Variants in PER2 observed in about 807,000 individuals in gnomAD.
The protein encoded by PER2 is period circadian protein homolog 2.
PER2 carries 66 observed loss-of-function variants against 121.0 expected under a neutral mutation model. The observed-to-expected ratio is 0.55, with a 90% CI of 0.45 to 0.67. The LOEUF is 0.67. PER2 is among the 30% of genes least tolerant of loss of function. The probability of loss-of-function intolerance (pLI) is 0.00; values close to 1 mark genes in which losing one functional copy is unlikely to be tolerated. For synonymous variants in PER2, 684 were observed against 659.9 expected, an observed-to-expected ratio of 1.04 and a Z score of -0.56; for missense variants, 1,521 against 1,635.0, an observed-to-expected ratio of 0.93 and a Z score of 1.20.
chr2:238,255,671 T>G lies in PER2; in HGVS notation c.2306A>C (p.Gln769Pro), dbSNP rs770462849. Reference protein sequence around the residue: ...HYYLQERSKGQPSERTAPGLR... With the variant: ...HYYLQERSKGPPSERTAPGLR... ...GTATCACTTACTTCGTTCACTTGGC[T>G]GCCCCTTGGATCTTTCTTGCAAGTA... Residue 769 changes from glutamine to proline, a missense_variant, in exon 18 of 23, where the codon CAG becomes CCG. Physicochemically the swap from Gln to Pro is moderately conservative, Grantham distance 76. Transcript: ENST00000254657. 8 of 1,614,274 alleles carry G rather than the reference T, an allele frequency of 5.0e-6. No homozygotes were observed. In the South Asian group the frequency reaches 5.5e-5, roughly 11 times the overall value.
At chr2:238,284,822 C>T (rs1014167967) in intron 1 of PER2, among the ~76,000 whole-genome samples, 1 of 152,334 alleles carries the variant, frequency 6.6e-6, no homozygotes, top group African/African-American at 2.4e-5. Context: ...TCAGAAACTT[C>T]GTCATTCCAG....
At position 238,280,771 on chromosome 2, in the gene PER2, C is replaced by T. The variant is rs910408511; in HGVS notation, c.-19-2816G>A. Among the ~76,000 whole-genome samples the T allele has an allele frequency of 5.3e-5, 8 of 151,976 alleles. No homozygotes were observed. The South Asian group carries it at 8.3e-4, about 16-fold the overall frequency. ...ACAATAAAACAGAAACCATAATGAG[C>T]GAGACACATAAAGAGAACCATCCTG... On this transcript the variant is annotated intron_variant, in intron 1 of 22. Transcript: ENST00000254657.
At position 238,255,666 on chromosome 2, in the gene PER2, TTGGCTGCCCC is replaced by T; in HGVS notation, c.2301_2310del (p.Gly768ValfsTer8). The T allele has an allele frequency of 6.2e-7, 1 of 1,614,286 alleles. No homozygotes were observed. Among genetic ancestry groups the T allele is most frequent in the Non-Finnish European group, 8.5e-7 (1 of 1,180,042 alleles). On this transcript the variant is annotated frameshift_variant, in exon 18 of 23. Transcript: ENST00000254657. LOFTEE classifies it high-confidence loss of function. Reference sequence around the variant, plus strand: ...TTCGGGTATCACTTACTTCGTTCACTTGGCTGCCCCTTGGATCTTTCTTGCAAGTAGTAAT... The same window carrying T: ...TTCGGGTATCACTTACTTCGTTCACTTTGGATCTTTCTTGCAAGTAGTAAT...
intron 1 of PER2, among the ~76,000 whole-genome samples, chr2:238,282,065 G>T (rs1268609483): frequency 6.6e-6 from 1 of 152,174 alleles, no homozygotes; most frequent in African/African-American, 2.4e-5. Flanking sequence ...AAGGGGCTTA[G>T]CTTACGCCCG....
intron 1 of PER2, among the ~76,000 whole-genome samples, chr2:238,283,075 G>A (rs971887002): frequency 1.3e-5 from 2 of 152,244 alleles, no homozygotes; most frequent in Non-Finnish European, 1.5e-5. Context: ...GCTCCTCACT[G>A]TCCTGCCTGC....
chr2:238,275,599 G>T, intron 4 of PER2, 144 bp downstream of exon 4: 1 of 865,174 alleles, frequency 1.2e-6, no homozygotes, highest in Non-Finnish European at 1.9e-6. Context: ...TGTGGCAGCG[G>T]AATCGCTTAA....
chr2:238,275,742 C>A lies in PER2; in HGVS notation c.448+1G>T. 2 of 1,613,956 alleles carry A rather than the reference C, an allele frequency of 1.2e-6. No individual in the cohort carries two copies. Among genetic ancestry groups the A allele is most frequent in the Non-Finnish European group, 1.7e-6 (2 of 1,179,924 alleles). ...GGAGCAGATGTGCGAGGCCGACGTA[C>A]CTTTCACCTGCTTCACGCTCCTGAG... On this transcript the variant is annotated splice_donor_variant, in intron 4 of 22. Transcript: ENST00000254657. LOFTEE classifies it high-confidence loss of function.
chr2:238,276,666 G>A (rs768276088), intron 3 of PER2, among the ~76,000 whole-genome samples: 4 of 152,206 alleles, frequency 2.6e-5, no homozygotes, highest in Admixed American at 6.5e-5. Context: ...GGACAGCGGG[G>A]CACTGGCTGA....
intron 1 of PER2, among the ~76,000 whole-genome samples, chr2:238,280,836 A>C (rs936778996): frequency 6.6e-6 from 1 of 152,176 alleles, no homozygotes; most frequent in Admixed American, 6.5e-5. Context: ...AAAGGACAAG[A>C]GTCCAACGCC....
At position 238,259,946 on chromosome 2, in the gene PER2, A is replaced by C. The variant is rs965363541; in HGVS notation, c.1627+23T>G. 25 of 1,084,830 alleles carry C rather than the reference A, an allele frequency of 2.3e-5. No individual in the cohort carries two copies. The East Asian group carries it at 6.0e-4, about 26-fold the overall frequency. 67.2% of individuals were successfully genotyped at this position (1,084,830 alleles called of 1,614,324 possible). A position where few individuals can be genotyped will look rare whatever the true frequency, so the allele number is the denominator to read the frequency against. On this transcript the variant is annotated intron_variant, in intron 14 of 22. Transcript: ENST00000254657. ...GCCATACTCTAGTTTCAGTAAGGAAATGTTGAATATTTTTTTTTTTACCTG... is the reference window on the plus strand; with the variant it reads ...GCCATACTCTAGTTTCAGTAAGGAACTGTTGAATATTTTTTTTTTTACCTG...
chr2:238,249,266 T>C, intron 21 of PER2, 54 bp from the exon 22 acceptor site: 1 of 1,522,752 alleles, frequency 6.6e-7, no homozygotes, highest in East Asian at 2.3e-5. Context: ...AGGGTATCTA[T>C]TTTTATTCTT....
rs1324570970 is a variant in PER2 at position 238,258,589 on chromosome 2, G to C, written c.1683C>G (p.Asp561Glu). ...CCTCGGGGAAGCTGACCCCCAGGCT[G>C]TCCTTTTCCATGGCAGGGACAGCTT... ...EKKAVPAMEK[D>E]SLGVSFPEEL... The change falls in exon 15 of 23, where the codon GAC (aspartate) becomes GAG (glutamate). Residue 561 changes from aspartate to glutamate, a missense_variant. Asp to Glu is a conservative substitution (Grantham distance 45). Transcript: ENST00000254657. 1.2e-6 allele frequency: 2 copies of C among 1,614,088 alleles called. No individual in the cohort carries two copies. Among genetic ancestry groups the C allele is most frequent in the South Asian group, 2.2e-5 (2 of 91,084 alleles).
At chr2:238,278,755 G>C (rs1031554847) in intron 1 of PER2, among the ~76,000 whole-genome samples, 1 of 152,170 alleles carries the variant, frequency 6.6e-6, no homozygotes, top group Non-Finnish European at 1.5e-5. Context: ...AGGGCAGAGG[G>C]GCCTGGCAGG....
At position 238,245,514 on chromosome 2, in the gene PER2, A is replaced by G; in HGVS notation, c.*861T>C. ...GGGTGGTTCCAACGGAAGAAAACCA[A>G]ACAGGACTGGGTCTCACATGTGTTG... On this transcript the variant is annotated 3_prime_UTR_variant, in exon 23 of 23. Transcript: ENST00000254657. 1 of 398,106 alleles carries G rather than the reference A, an allele frequency of 2.5e-6. No homozygotes were observed. The allele number at this position is 398,106 out of a possible 1,614,324, so 24.7% of individuals were successfully genotyped here.
At chr2:238,276,513 AAAG>A (rs1696460595) in intron 3 of PER2, among the ~76,000 whole-genome samples, 1 of 152,248 alleles carries the variant, frequency 6.6e-6, no homozygotes, top group South Asian at 2.1e-4. Context: ...TGCCCCAGGT[AAAG>A]AAGGACTGAG....
In PER2 at chr2:238,252,963, C is replaced by T. The variant is rs370786052; in HGVS notation, c.3060G>A (p.Ala1020=). 21 of 1,613,778 alleles carry T rather than the reference C, an allele frequency of 1.3e-5. No individual in the cohort carries two copies. Among genetic ancestry groups the T allele is most frequent in the South Asian group, 5.5e-5 (5 of 91,072 alleles). The change falls in exon 19 of 23, where the codon GCG becomes GCA. Residue 1020 remains alanine (A), a synonymous_variant. Coordinates refer to ENST00000254657, the MANE Select transcript of PER2 (RefSeq NM_022817.3). The surrounding 1 kb of genome is among the most constrained non-coding windows in gnomAD (Gnocchi z 4.2). ...TGATETAAVG[A]DCKPGTSRDQ... ...CCCGAGAAGTGCCAGGTTTGCAGTCCGCCCCTACAGCTGCTGTCTCTGTGG... is the reference window on the plus strand; with the variant it reads ...CCCGAGAAGTGCCAGGTTTGCAGTCTGCCCCTACAGCTGCTGTCTCTGTGG...
At chr2:238,264,218 G>T (rs1696026730) in intron 9 of PER2, among the ~76,000 whole-genome samples, 1 of 152,216 alleles carries the variant, frequency 6.6e-6, no homozygotes. Context: ...ACAGTTCTCA[G>T]ATCTCTGAAG....
At chr2:238,286,217 T>C (rs1334807661) in intron 1 of PER2, among the ~76,000 whole-genome samples, 2 of 152,228 alleles carry the variant, frequency 1.3e-5, no homozygotes, top group East Asian at 3.8e-4. Context: ...AGCTCAGGCA[T>C]CTGCTCCTCC....
At position 238,288,443 on chromosome 2, in the gene PER2, C is replaced by G. The variant is rs1381986738; in HGVS notation, c.-114G>C. 6.6e-6 allele frequency: 1 copy of G among 152,322 alleles called. No homozygotes were observed. The highest frequency in any genetic ancestry group is 1.5e-5 in the Non-Finnish European group (1 of 68,108). The allele number at this position is 152,322 out of a possible 1,614,324, so 9.4% of individuals were successfully genotyped here. On this transcript the variant is annotated 5_prime_UTR_variant, in exon 1 of 23. Coordinates refer to ENST00000254657, the MANE Select transcript of PER2 (RefSeq NM_022817.3). ...TCAAACGAGCGCACCCTGCGCGCGG[C>G]TCGACCACTCTCCACCTGGGACAGG...
Sources: allele counts gnomAD v4.1 joint callset (sites outside exome capture counted in the v4.1 genomes callset), GRCh38; gene constraint gnomAD v4.1.1; non-coding constraint Gnocchi (gnomAD v3.1); transcripts MANE v1.5; gene names NCBI Gene and HGNC (gene_info 2026-07-23, HGNC 2026-07-21).